The following THBS3 variants were observed in gnomAD, a reference collection of about 807,000 sequenced individuals.
The protein encoded by THBS3 is thrombospondin-3.
Under a neutral mutation model 118.3 loss-of-function variants are expected in THBS3, and 78 were observed. That is an observed-to-expected ratio of 0.66 (90% CI 0.55 to 0.80). The LOEUF is 0.80. Ranked by LOEUF, THBS3 falls within the 30% of genes least tolerant of loss-of-function variation. THBS3 has a pLI of 0.00. For missense variants in THBS3, 1,057 were observed against 1,247.4 expected (o/e 0.85, Z 2.30); for synonymous variants, 427 against 475.3 (o/e 0.90, Z 1.32).
In THBS3 at chr1:155,197,682, G is replaced by A. The variant is rs1292389407; in HGVS notation, c.2303-23C>T. ...ATCCTGGGGTGGGGGTGGGATAAAG[G>A]TCAGGGGCAGCAAAGCTACTGGCGG... On this transcript the variant is annotated intron_variant, in intron 19 of 22. Coordinates refer to ENST00000368378, the MANE Select transcript of THBS3 (RefSeq NM_007112.5). The surrounding 1 kb of genome is among the most constrained non-coding windows in gnomAD (Gnocchi z 5.0). 3.1e-6 allele frequency: 5 copies of A among 1,606,820 alleles called. No individual in the cohort carries two copies. The highest frequency in any genetic ancestry group is 3.4e-6 in the Non-Finnish European group (4 of 1,173,936).
At chr1:155,196,210 T>C in intron 21 of THBS3, 84 bp from the exon 22 acceptor site, 2 of 1,510,426 alleles carry the variant, frequency 1.3e-6, no homozygotes, top group South Asian at 2.4e-5. Flanking sequence ...GCCTTGCTTT[T>C]CCCCAGCCCC....
chr1:155,203,045 G>T (rs756485177), intron 7 of THBS3, 41 bp downstream of exon 7: 1 of 1,613,924 alleles, frequency 6.2e-7, no homozygotes, highest in South Asian at 1.1e-5. Flanking sequence ...GGTGGGGAAC[G>T]TGGCACGGTC....
upstream of THBS3, chr1:155,209,065 C>T (rs1670942060): frequency 6.5e-7 from 1 of 1,538,536 alleles, no homozygotes; most frequent in Non-Finnish European, 8.8e-7. Context: ...GGCCGCCCTC[C>T]CCCGAGGCCC....
intron 4 of THBS3, among the ~76,000 whole-genome samples, chr1:155,204,362 G>T (rs1281248073): frequency 6.6e-6 from 1 of 151,954 alleles, no homozygotes; most frequent in African/African-American, 2.4e-5. Flanking sequence ...GGCCGAGGTG[G>T]GTGCATCACT....
Position 155,201,181 on chromosome 1 carries a change from AT to A in THBS3, c.1352del (p.Asn451MetfsTer35). On this transcript the variant is annotated frameshift_variant, in exon 12 of 23. Transcript: ENST00000368378. LOFTEE classifies it high-confidence loss of function. ...SCQCNVGWAG[N>X]GNVCGTDTDI... is the part of the protein sequence containing the mutation. ...CTGTGTCAGTCCCACACACGTTCCC[AT>A]TCCCAGCCCAGCCCACGTTACACTA... 6.2e-7 allele frequency: 1 copy of A among 1,614,082 alleles called. No homozygotes were observed. The highest frequency in any genetic ancestry group is 8.5e-7 in the Non-Finnish European group (1 of 1,180,018).
In THBS3 at chr1:155,198,442, G is replaced by A. The variant is rs200030789; in HGVS notation, c.2041C>T (p.Leu681=). 7.7e-4 allele frequency: 1,245 copies of A among 1,614,198 alleles called. 17 individuals carry two copies. The South Asian group carries it at 1.0e-2, about 13-fold the overall frequency. ...TCCTTCTGATTGGGATTGGGTACCA[G>A]GCGGCAGTTATCGGGACCAGGAGGC... ...YVPPGPDNCR[L]VPNPNQKDSD... The change falls in exon 17 of 23, where the codon CTG becomes TTG. Residue 681 remains leucine (L), a synonymous_variant. Transcript: ENST00000368378.
At chr1:155,204,392 C>A (rs1046942484) in intron 4 of THBS3, among the ~76,000 whole-genome samples, 1 of 151,804 alleles carries the variant, frequency 6.6e-6, no homozygotes, top group Non-Finnish European at 1.5e-5. Context: ...GTGTTTGAGA[C>A]CAGCCTGGCC....
At position 155,202,349 on chromosome 1, in the gene THBS3, G is replaced by A. The variant is rs1669892606; in HGVS notation, c.1010C>T (p.Pro337Leu). 6.2e-7 allele frequency: 1 copy of A among 1,613,958 alleles called. No individual in the cohort carries two copies. Among genetic ancestry groups the A allele is most frequent in the Non-Finnish European group, 8.5e-7 (1 of 1,180,044 alleles). The change falls in exon 9 of 23, where the codon CCC becomes CTC. Residue 337 changes from proline (P) to leucine (L), a missense_variant. Physicochemically the swap from Pro to Leu is moderately conservative, Grantham distance 98. Around this residue, in one of 3 missense-constraint regions of THBS3, gnomAD observed 544 missense variants for 715.6 expected, o/e 0.76. Coordinates refer to ENST00000368378, the MANE Select transcript of THBS3 (RefSeq NM_007112.5). The surrounding 1 kb of genome is among the most constrained non-coding windows in gnomAD (Gnocchi z 5.5). ...AGGACAGGCCTCACAGTGGAAGCCG[G>A]GCATGGTGTTGATGCAGCTGGAGCC... is the stretch of plus-strand genomic sequence containing the variant. ...FPGSSCINTMPGFHCEACPRG... is the reference protein window; with the variant it reads ...FPGSSCINTMLGFHCEACPRG...
upstream of THBS3, chr1:155,209,071 G>T: frequency 6.5e-7 from 1 of 1,538,636 alleles, no homozygotes; most frequent in Non-Finnish European, 8.8e-7. Context: ...CCTCCCCCGA[G>T]GCCCGCGGCC....
chr1:155,199,686 C>T lies in THBS3; in HGVS notation c.1880+118G>A, dbSNP rs556736815. ...ATGAGAATCACTTGACCCTGGGAGA[C>T]GGAGGTTGCAGTGAGCCAAGATCGT... On this transcript the variant is annotated intron_variant, in intron 16 of 22. Transcript: ENST00000368378. The T allele has an allele frequency of 6.6e-5, 66 of 1,001,216 alleles. No homozygotes were observed. The East Asian group carries it at 8.8e-4, about 13-fold the overall frequency. 62.0% of individuals were successfully genotyped at this position (1,001,216 alleles called of 1,614,324 possible).
In THBS3 at chr1:155,197,983, G is replaced by GC. The variant is rs1377553928; in HGVS notation, c.2254-56dup. ...GATGCAGGTGTGCTATCCCTCCCAG[G>GC]CCCCCCGTCCCAGTAGCCCTGTCTG... On this transcript the variant is annotated intron_variant, in intron 18 of 22. Transcript: ENST00000368378. The surrounding 1 kb of genome is among the most constrained non-coding windows in gnomAD (Gnocchi z 5.0). The GC allele has an allele frequency of 1.6e-4, 256 of 1,613,764 alleles. No homozygotes were observed. The highest frequency in any genetic ancestry group is 1.2e-4 in the Non-Finnish European group (143 of 1,179,898).
intron 4 of THBS3, 97 bp downstream of exon 4, chr1:155,204,758 G>A: frequency 8.7e-7 from 1 of 1,142,894 alleles, no homozygotes; most frequent in Non-Finnish European, 1.3e-6. Context: ...GTGAGCCAAA[G>A]GAATGGGTTT....
rs767350964 is a variant in THBS3, at chr1:155,199,787, C to G, written c.1880+17G>C. On this transcript the variant is annotated intron_variant, in intron 16 of 22. Coordinates refer to ENST00000368378, the MANE Select transcript of THBS3 (RefSeq NM_007112.5). ...CAAAAAAAAGAAAGACCTTGCGTCT[C>G]TTGACCAAGACCTTACCTGTCTTCA... 50 of 1,613,918 alleles carry G rather than the reference C, an allele frequency of 3.1e-5. No individual in the cohort carries two copies. The highest frequency in any genetic ancestry group is 4.2e-5 in the Non-Finnish European group (50 of 1,179,972).
intron 15 of THBS3, 41 bp from the exon 16 acceptor site, chr1:155,199,897 ACT>A (rs1669407840): frequency 3.1e-6 from 5 of 1,612,590 alleles, no homozygotes; most frequent in Non-Finnish European, 4.2e-6. Flanking sequence ...CCTCTTGATA[ACT>A]CTGAAGAGGG....
At position 155,206,103 on chromosome 1, in the gene THBS3, G is replaced by A. The variant is rs143461137; in HGVS notation, c.286+97C>T. On this transcript the variant is annotated intron_variant, in intron 2 of 22. Transcript: ENST00000368378. The surrounding 1 kb of genome is among the most constrained non-coding windows in gnomAD (Gnocchi z 4.2). ...GCCTGATGGGACCTTGGTCCCTAGTGGAGGCCAAGGAGAATGAGGAAGCAC... is the reference window on the plus strand; with the variant it reads ...GCCTGATGGGACCTTGGTCCCTAGTAGAGGCCAAGGAGAATGAGGAAGCAC... The A allele has an allele frequency of 1.6e-4, 224 of 1,418,462 alleles. No individual in the cohort carries two copies. In the East Asian group the frequency reaches 5.0e-3, roughly 31 times the overall value. 87.9% of individuals were successfully genotyped at this position (1,418,462 alleles called of 1,614,324 possible). A position where few individuals can be genotyped will look rare whatever the true frequency, so the allele number is the denominator to read the frequency against.
intron 16 of THBS3, 130 bp from the exon 17 acceptor site, chr1:155,198,732 G>T: frequency 1.2e-6 from 1 of 841,286 alleles, no homozygotes; most frequent in Non-Finnish European, 1.9e-6. Context: ...CAGGTGAGGT[G>T]AAGGTCTGGC....
chr1:155,204,759 G>A, intron 4 of THBS3, 96 bp downstream of exon 4: 4 of 1,144,514 alleles, frequency 3.5e-6, no homozygotes, highest in Non-Finnish European at 5.3e-6. Flanking sequence ...TGAGCCAAAG[G>A]AATGGGTTTT....
rs1670571470 is a variant in THBS3 at position 155,206,551 on chromosome 1, G to A, written c.80-145C>T. 4 of 709,894 alleles carry A rather than the reference G, an allele frequency of 5.6e-6. No individual in the cohort carries two copies. The highest frequency in any genetic ancestry group is 9.6e-6 in the Non-Finnish European group (4 of 418,324). 44.0% of individuals were successfully genotyped at this position (709,894 alleles called of 1,614,324 possible). On this transcript the variant is annotated intron_variant, in intron 1 of 22. Coordinates refer to ENST00000368378, the MANE Select transcript of THBS3 (RefSeq NM_007112.5). This position sits in a 1 kb window ranked among gnomAD's most constrained non-coding sequence, Gnocchi z 4.2. ...AACCCTTGGCTGGGCATGGTGGCTCGCACCTGTAATCCCAACACCTTGGGA... is the reference window on the plus strand; with the variant it reads ...AACCCTTGGCTGGGCATGGTGGCTCACACCTGTAATCCCAACACCTTGGGA...
At position 155,197,495 on chromosome 1, in the gene THBS3, G is replaced by A. The variant is rs150568337; in HGVS notation, c.2467C>T (p.Arg823Trp). Residue 823 changes from arginine to tryptophan, a missense_variant, in exon 20 of 23, where the codon CGG becomes TGG. Physicochemically the swap from Arg to Trp is moderately radical, Grantham distance 101. This residue lies in a region of THBS3 where 307 missense variants were observed against 326.1 expected (regional missense o/e 0.94). Transcript: ENST00000368378. The surrounding 1 kb of genome is among the most constrained non-coding windows in gnomAD (Gnocchi z 5.0). ...TGCAGCCCGGGCTGGGCAACCGCCC[G>A]GAAGGGTGTAGCCTGCCAGTAGGTC... is the stretch of plus-strand genomic sequence containing the variant. Reference protein sequence around the residue: ...EQTYWQATPFRAVAQPGLQLK... With the variant: ...EQTYWQATPFWAVAQPGLQLK... The A allele has an allele frequency of 9.6e-5, 155 of 1,613,828 alleles. 1 individual carries two copies. The highest frequency in any genetic ancestry group is 1.7e-4 in the Middle Eastern group (1 of 5,976).
Sources: gnomAD v4.1 joint callset for allele counts (sites outside exome capture counted in the v4.1 genomes callset) on GRCh38, gnomAD v4.1.1 for gene constraint, gnomAD v4.1.1 regional missense constraint, Gnocchi (gnomAD v3.1) non-coding constraint, MANE v1.5 for transcripts, NCBI Gene and HGNC (gene_info 2026-07-23, HGNC 2026-07-21) for gene names.